Variants in FANCA observed in about 807,000 individuals in gnomAD.
The protein encoded by FANCA is Fanconi anemia group A protein.
In FANCA, 236 loss-of-function variants were observed where a neutral mutation model predicts 194.3. That is an observed-to-expected ratio of 1.21 (90% CI 1.09 to 1.35). FANCA has a LOEUF of 1.35. FANCA is among the 40% of genes most tolerant of loss of function. FANCA has a pLI of 0.00. For synonymous variants in FANCA, 1,014 were observed against 715.8 expected (o/e 1.42, Z -6.65); for missense variants, 2,628 against 1,813.9 (o/e 1.45, Z -8.15).
chr16:89,741,373 C>T (rs1428945539), intron 37 of FANCA, among the ~76,000 whole-genome samples: 1 of 152,204 alleles, frequency 6.6e-6, no homozygotes, highest in Non-Finnish European at 1.5e-5. Flanking sequence ...CAGAAGAACC[C>T]CTGCAGGGTG....
chr16:89,783,597 C>T (rs17232686), intron 15 of FANCA, among the ~76,000 whole-genome samples: 1 of 151,808 alleles, frequency 6.6e-6, no homozygotes, highest in African/African-American at 2.4e-5. Flanking sequence ...GGCTGCTTCC[C>T]CAGGTGAAAA....
rs2038408945 is a variant in FANCA at position 89,746,865 on chromosome 16, G to C, written c.3374C>G (p.Ala1125Gly). The change falls in exon 34 of 43, where the codon GCC (alanine) becomes GGC (glycine). Residue 1125 changes from alanine (A) to glycine (G), a missense_variant. By Grantham distance (60) the Ala-to-Gly change is moderately conservative. Transcript: ENST00000389301. ...EMRNFCSHGG[A>G]LTQDITAHFF... ...GTGGGCAGTGATGTCCTGTGTCAGG[G>C]CACCTCCGTGGGAGCAGAAGTTTCT... The C allele has an allele frequency of 6.4e-7, 1 of 1,560,850 alleles. No homozygotes were observed. Among genetic ancestry groups the C allele is most frequent in the Admixed American group, 1.9e-5 (1 of 52,414 alleles).
At chr16:89,790,652 C>T (rs1220719350) in intron 14 of FANCA, among the ~76,000 whole-genome samples, 2 of 151,682 alleles carry the variant, frequency 1.3e-5, no homozygotes, top group Non-Finnish European at 2.9e-5. Flanking sequence ...TAGCTTGAAA[C>T]GGGGCAGCGG....
In FANCA at chr16:89,805,300, A is replaced by G; in HGVS notation, c.689T>C (p.Val230Ala). ...QMEASCQHAD[V>A]ARAMLSDFVQ... The stretch of plus-strand genomic sequence containing the variant: ...CGCACCAGAAAGCATGGCCCTGGCG[A>G]CGTCAGCATGCTGGCAGGATGCTTC... The change falls in exon 7 of 43, where the codon GTC becomes GCC. Residue 230 changes from valine (V) to alanine (A), a missense_variant. Coordinates refer to ENST00000389301, the MANE Select transcript of FANCA (RefSeq NM_000135.4). 6.2e-7 allele frequency: 1 copy of G among 1,613,870 alleles called. No homozygotes were observed. The highest frequency in any genetic ancestry group is 8.5e-7 in the Non-Finnish European group (1 of 1,179,854).
intron 14 of FANCA, chr16:89,791,021 G>GT (rs2040054325): frequency 4.0e-5 from 9 of 222,752 alleles, no homozygotes; most frequent in Middle Eastern, 1.6e-3. Flanking sequence ...GTGTGTGTGT[G>GT]TGTTTTTTTT....
Position 89,738,043 on chromosome 16 carries a change from G to A in FANCA, c.*558C>T. On this transcript the variant is annotated 3_prime_UTR_variant, in exon 43 of 43. Coordinates refer to ENST00000389301, the MANE Select transcript of FANCA (RefSeq NM_000135.4). ...CAAGTACCACATGACCAAACACAAG[G>A]CTGAGACTGAGCTGGACTTTGCCTG... The A allele has an allele frequency of 6.2e-7, 1 of 1,614,156 alleles. No individual in the cohort carries two copies. The highest frequency in any genetic ancestry group is 8.5e-7 in the Non-Finnish European group (1 of 1,180,054).
At chr16:89,810,392 C>T (rs2040830484) in intron 5 of FANCA, among the ~76,000 whole-genome samples, 1 of 145,694 alleles carries the variant, frequency 6.9e-6, no homozygotes, top group Admixed American at 6.8e-5. Flanking sequence ...AAATTACATA[C>T]ATTTTTTTTT....
intron 14 of FANCA, among the ~76,000 whole-genome samples, chr16:89,785,815 A>G (rs2039874573): frequency 1.3e-5 from 2 of 150,970 alleles, no homozygotes; most frequent in African/African-American, 4.9e-5. Context: ...CGTGAACTGA[A>G]GGCTCACCTT....
At chr16:89,758,218 C>T (rs751609324) in intron 30 of FANCA, among the ~76,000 whole-genome samples, 1 of 152,146 alleles carries the variant, frequency 6.6e-6, no homozygotes, top group Non-Finnish European at 1.5e-5. Flanking sequence ...GGAAGCTTGG[C>T]TTTATTTTGT....
intron 14 of FANCA, among the ~76,000 whole-genome samples, chr16:89,785,839 G>C (rs867157162): frequency 1.3e-5 from 2 of 148,664 alleles, no homozygotes; most frequent in Non-Finnish European, 3.0e-5. Context: ...CTTTCTGAAA[G>C]CGTGCAAAAT....
chr16:89,790,678 GAGA>G (rs1011846682), intron 14 of FANCA, among the ~76,000 whole-genome samples: 1 of 151,548 alleles, frequency 6.6e-6, no homozygotes, highest in Non-Finnish European at 1.5e-5. Context: ...GCAGTGAGCC[GAGA>G]AGGTGAGCTT....
intron 35 of FANCA, among the ~76,000 whole-genome samples, chr16:89,745,402 G>A (rs1029489054): frequency 1.8e-4 from 27 of 150,894 alleles, no homozygotes; most frequent in Admixed American, 4.6e-4. Flanking sequence ...ACAGTGAAGG[G>A]ACCACACTCC....
chr16:89,808,142 T>C (rs1163110623), intron 6 of FANCA, 152 bp downstream of exon 6: 8 of 746,186 alleles, frequency 1.1e-5, no homozygotes, highest in Non-Finnish European at 1.2e-5. Context: ...CCTCCAGGTC[T>C]AGTCTAGTAT....
intron 6 of FANCA, among the ~76,000 whole-genome samples, chr16:89,806,510 T>G (rs1388254977): frequency 6.6e-6 from 1 of 151,940 alleles, no homozygotes; most frequent in African/African-American, 2.4e-5. Flanking sequence ...TCTGCAGTGT[T>G]TGTGTCCCTG....
At chr16:89,801,551 T>C (rs570981386) in intron 8 of FANCA, among the ~76,000 whole-genome samples, 1 of 152,212 alleles carries the variant, frequency 6.6e-6, no homozygotes, top group East Asian at 1.9e-4. Flanking sequence ...GTATGGAGAT[T>C]TCTAAATAGT....
chr16:89,810,662 A>G (rs1257107881), intron 5 of FANCA, 45 bp downstream of exon 5: 1 of 1,259,672 alleles, frequency 7.9e-7, no homozygotes, highest in Non-Finnish European at 1.2e-6. Flanking sequence ...TCAACAGAAC[A>G]TTGCCTGGAA....
intron 5 of FANCA, chr16:89,810,455 T>C (rs1311587597): frequency 2.1e-6 from 1 of 477,560 alleles, no homozygotes; most frequent in Non-Finnish European, 3.8e-6. Context: ...TACCCAAGGC[T>C]AAACGTGTTT....
Position 89,739,289 on chromosome 16 carries a change from A to C in FANCA, c.4011T>G (p.Ser1337Arg), listed in dbSNP as rs1490606588. The stretch of plus-strand genomic sequence containing the variant: ...CGTCTTCATGGAAGTAGGAGAGAAG[A>C]CTAGAGGTAAAGACATAGTGACAAA... ...HTRLLPFAFY[S>R]LLSYFHEDAA... Residue 1337 changes from serine to arginine, a missense_variant and splice_region_variant, in exon 41 of 43, where the codon AGT becomes AGG. Coordinates refer to ENST00000389301, the MANE Select transcript of FANCA (RefSeq NM_000135.4). The C allele has an allele frequency of 1.2e-6, 2 of 1,614,034 alleles. No individual in the cohort carries two copies. The highest frequency in any genetic ancestry group is 1.7e-6 in the Non-Finnish European group (2 of 1,180,046).
At chr16:89,791,798 G>C (rs1328686207) in intron 13 of FANCA, 129 bp downstream of exon 13, 4 of 1,205,552 alleles carry the variant, frequency 3.3e-6, no homozygotes, top group Admixed American at 1.8e-5. Context: ...ATCGACAGGA[G>C]GCACTGCAGG....
Sources: allele counts gnomAD v4.1 joint callset (sites outside exome capture counted in the v4.1 genomes callset), GRCh38; gene constraint gnomAD v4.1.1; transcripts MANE v1.5; gene names NCBI Gene and HGNC (gene_info 2026-07-23, HGNC 2026-07-21).